MYO18A: variants seen among roughly 807,000 people sequenced by gnomAD.
MYO18A encodes unconventional myosin-XVIIIa.
Under a neutral mutation model 235.8 loss-of-function variants are expected in MYO18A, and 78 were observed. The observed-to-expected ratio is 0.33, with a 90% CI of 0.28 to 0.40. The LOEUF is 0.40. MYO18A is among the 10% of genes least tolerant of loss of function. MYO18A has a pLI of 1.00. For synonymous variants in MYO18A, 977 were observed against 1,077.8 expected, an observed-to-expected ratio of 0.91 and a Z score of 1.83; for missense variants, 2,215 against 2,699.3, an observed-to-expected ratio of 0.82 and a Z score of 3.98.
chr17:29,113,891 A>T, intron 15 of MYO18A, 120 bp downstream of exon 15: 1 of 750,448 alleles, frequency 1.3e-6, no homozygotes, highest in Non-Finnish European at 2.2e-6. Flanking sequence ...TAGCTGCTGG[A>T]CCCTCCCTCA....
intron 29 of MYO18A, 37 bp downstream of exon 29, chr17:29,094,899 G>T (rs745868176): frequency 1.2e-5 from 19 of 1,613,500 alleles, no homozygotes; most frequent in Non-Finnish European, 1.6e-5. Flanking sequence ...CAGGTTGTGA[G>T]GGGGACAGGG....
intron 2 of MYO18A, among the ~76,000 whole-genome samples, chr17:29,137,444 T>C (rs968168635): frequency 3.9e-5 from 6 of 152,192 alleles, no homozygotes; most frequent in Admixed American, 3.9e-4. Flanking sequence ...AAATACATAG[T>C]GAACTCAATG....
chr17:29,173,945 A>T (rs775768960), intron 1 of MYO18A, among the ~76,000 whole-genome samples: 114 of 152,012 alleles, frequency 7.5e-4, no homozygotes, highest in Non-Finnish European at 1.5e-3. Flanking sequence ...CTAACTTTTT[A>T]AAAATTGTTT....
In MYO18A at chr17:29,090,589, A is replaced by G. The variant is rs1260698526; in HGVS notation, c.5331T>C (p.Asn1777=). ...CTTCTTCTAGCTGAGCTTGGAGATC[A>G]TTTATCTGAGCCAGGTCCCGGGAAG... ...AQASRDLAQI[N]DLQAQLEEAN... The change falls in exon 36 of 42, where the codon AAT becomes AAC. Residue 1777 remains asparagine, a synonymous_variant. Coordinates refer to ENST00000527372, the MANE Select transcript of MYO18A (RefSeq NM_078471.4). The G allele has an allele frequency of 1.2e-6, 2 of 1,601,010 alleles. No homozygotes were observed. The highest frequency in any genetic ancestry group is 1.7e-6 in the Non-Finnish European group (2 of 1,173,346).
chr17:29,116,838 C>G (rs1288843727), intron 10 of MYO18A, among the ~76,000 whole-genome samples: 1 of 150,132 alleles, frequency 6.7e-6, no homozygotes, highest in African/African-American at 2.5e-5. Flanking sequence ...GCAGTTGGGG[C>G]TGGGTAGGTT....
chr17:29,121,559 C>T lies in MYO18A; in HGVS notation c.1359G>A (p.Val453=). The change falls in exon 5 of 42, where the codon GTG becomes GTA. Residue 453 remains valine, a synonymous_variant. Transcript: ENST00000527372. This position sits in a 1 kb window ranked among gnomAD's most constrained non-coding sequence, Gnocchi z 4.2. ...LVLGPRGAPA[V]YSEKVMHMFK... ...GAGGGTGCTGCACCTTCTCAGAGTA[C>T]ACAGCAGGGGCCCCACGGGGGCCAA... 1 of 1,603,758 alleles carries T rather than the reference C, an allele frequency of 6.2e-7. No homozygotes were observed. Among genetic ancestry groups the T allele is most frequent in the Non-Finnish European group, 8.5e-7 (1 of 1,175,860 alleles).
Position 29,109,728 on chromosome 17 carries a change from G to T in MYO18A, c.3331+130C>A. The T allele has an allele frequency of 8.3e-7, 1 of 1,205,766 alleles. No individual in the cohort carries two copies. Among genetic ancestry groups the T allele is most frequent in the Non-Finnish European group, 1.2e-6 (1 of 860,094 alleles). The allele number at this position is 1,205,766 out of a possible 1,614,324, so 74.7% of individuals were successfully genotyped here. A position where few individuals can be genotyped will look rare whatever the true frequency, so the allele number is the denominator to read the frequency against. ...GGCTGGGAGAGATGAGGAGAGACCAGAGCAGAAAGGATCGTGAGGAAAGAC... is the reference window on the plus strand; with the variant it reads ...GGCTGGGAGAGATGAGGAGAGACCATAGCAGAAAGGATCGTGAGGAAAGAC... On this transcript the variant is annotated intron_variant, in intron 19 of 41. Coordinates refer to ENST00000527372, the MANE Select transcript of MYO18A (RefSeq NM_078471.4). This position sits in a 1 kb window ranked among gnomAD's most constrained non-coding sequence, Gnocchi z 4.1.
chr17:29,111,404 G>A lies in MYO18A; in HGVS notation c.2900+20C>T, dbSNP rs370350303. On this transcript the variant is annotated intron_variant, in intron 17 of 41. Coordinates refer to ENST00000527372, the MANE Select transcript of MYO18A (RefSeq NM_078471.4). This position sits in a 1 kb window ranked among gnomAD's most constrained non-coding sequence, Gnocchi z 5.1. ...ACAGTCCTGGGTACAGAACAGGGGC[G>A]GAGGGAGTGGTGGTCTTACTTCTGG... is the stretch of plus-strand genomic sequence containing the variant. 1.3e-3 allele frequency: 2,069 copies of A among 1,609,432 alleles called. 2 individuals are homozygous for A. Among genetic ancestry groups the A allele is most frequent in the Non-Finnish European group, 1.7e-3 (1,990 of 1,178,162 alleles).
At chr17:29,169,505 G>A (rs1402951922) in intron 1 of MYO18A, among the ~76,000 whole-genome samples, 3 of 152,038 alleles carry the variant, frequency 2.0e-5, no homozygotes, top group East Asian at 3.9e-4. Context: ...TTCTCTCTTC[G>A]GGGCTCTACT....
intron 2 of MYO18A, among the ~76,000 whole-genome samples, chr17:29,162,237 T>G (rs1407351274): frequency 6.6e-6 from 1 of 152,176 alleles, no homozygotes; most frequent in Non-Finnish European, 1.5e-5. Context: ...CAGAGTGATT[T>G]CCTAAAACCT....
intron 2 of MYO18A, among the ~76,000 whole-genome samples, chr17:29,165,149 A>AGAG (rs2068252368): frequency 6.6e-6 from 1 of 152,208 alleles, no homozygotes; most frequent in African/African-American, 2.4e-5. Context: ...CTCAGGGGCA[A>AGAG]GAGGAGGCTC....
At chr17:29,114,451 T>A (rs560263595) in intron 14 of MYO18A, among the ~76,000 whole-genome samples, 1 of 152,318 alleles carries the variant, frequency 6.6e-6, no homozygotes, top group East Asian at 1.9e-4. Flanking sequence ...CCCAAATAAA[T>A]ATCCTGACAA....
chr17:29,124,531 GAA>G, intron 2 of MYO18A: 2 of 679,420 alleles, frequency 2.9e-6, no homozygotes, highest in Non-Finnish European at 4.0e-6. Flanking sequence ...GCCTGGAGGG[GAA>G]AGAGGCCTTA....
intron 1 of MYO18A, among the ~76,000 whole-genome samples, chr17:29,173,411 C>T (rs1276605576): frequency 5.2e-5 from 7 of 135,742 alleles, no homozygotes; most frequent in East Asian, 2.2e-4. Context: ...TTTTTTGAGA[C>T]GCAGTCTTGC....
At chr17:29,175,184 G>A (rs563016281) in intron 1 of MYO18A, among the ~76,000 whole-genome samples, 5 of 151,920 alleles carry the variant, frequency 3.3e-5, no homozygotes, top group African/African-American at 1.2e-4. Flanking sequence ...TTGAACTCCT[G>A]GCTTCAAGTG....
At chr17:29,112,905 G>A (rs1007925924) in intron 15 of MYO18A, among the ~76,000 whole-genome samples, 4 of 152,228 alleles carry the variant, frequency 2.6e-5, no homozygotes, top group Admixed American at 6.5e-5. Context: ...TAGCAGGAAC[G>A]AGCAATGAAG....
chr17:29,100,887 C>A (rs1173554038), intron 21 of MYO18A, among the ~76,000 whole-genome samples: 2 of 152,250 alleles, frequency 1.3e-5, no homozygotes, highest in Non-Finnish European at 2.9e-5. Context: ...AACCTGGTCC[C>A]CTGAGGCTGG....
intron 2 of MYO18A, among the ~76,000 whole-genome samples, chr17:29,147,889 CAAAAA>C (rs11389237): frequency 2.3e-5 from 2 of 87,106 alleles, no homozygotes; most frequent in African/African-American, 4.3e-5. Context: ...GCCTGGGTGA[CAAAAA>C]AAAAAAAAAA....
intron 1 of MYO18A, among the ~76,000 whole-genome samples, chr17:29,170,010 G>A (rs1246994957): frequency 6.6e-6 from 1 of 152,144 alleles, no homozygotes; most frequent in Non-Finnish European, 1.5e-5. Context: ...GGATGGCGCT[G>A]GCCAGAAGTT....
Sources: allele counts gnomAD v4.1 joint callset (sites outside exome capture counted in the v4.1 genomes callset), GRCh38; gene constraint gnomAD v4.1.1; non-coding constraint Gnocchi (gnomAD v3.1); transcripts MANE v1.5; gene names NCBI Gene and HGNC (gene_info 2026-07-23, HGNC 2026-07-21).